The following HHAT variants were observed in gnomAD, a reference collection of about 807,000 sequenced individuals.
HHAT encodes the protein protein-cysteine N-palmitoyltransferase HHAT.
A neutral mutation model predicts 70.8 loss-of-function variants in HHAT; 47 were observed. The observed-to-expected ratio is 0.66, with a 90% CI of 0.53 to 0.85. The LOEUF is 0.85. Ranked by LOEUF, HHAT falls within the 40% of genes least tolerant of loss-of-function variation. HHAT has a pLI of 0.00. For synonymous variants in HHAT, 228 were observed against 247.6 expected (o/e 0.92, Z 0.74); for missense variants, 609 against 604.8 (o/e 1.01, Z -0.07).
At chr1:210,661,419 G>A (rs1677688132) in intron 11 of HHAT, among the ~76,000 whole-genome samples, 1 of 152,204 alleles carries the variant, frequency 6.6e-6, no homozygotes, top group Non-Finnish European at 1.5e-5. Context: ...TGGAGAGGAT[G>A]TGGAGAAACA....
At chr1:210,544,634 A>C (rs766079391) in intron 9 of HHAT, among the ~76,000 whole-genome samples, 3 of 151,930 alleles carry the variant, frequency 2.0e-5, no homozygotes, top group Non-Finnish European at 2.9e-5. Context: ...CAGCCTCCCA[A>C]AATGCTGGGA....
At chr1:210,552,310 A>T (rs985887726) in intron 9 of HHAT, among the ~76,000 whole-genome samples, 3 of 152,216 alleles carry the variant, frequency 2.0e-5, no homozygotes, top group African/African-American at 7.2e-5. Context: ...ACAAATAATC[A>T]GTGCTTTGCT....
chr1:210,419,688 A>T (rs1388322572), intron 7 of HHAT, among the ~76,000 whole-genome samples: 7 of 152,256 alleles, frequency 4.6e-5, no homozygotes, highest in Non-Finnish European at 1.0e-4. Flanking sequence ...GTTTCCAAGG[A>T]CGAAACCTTT....
chr1:210,527,730 G>A (rs1009221024), intron 9 of HHAT, among the ~76,000 whole-genome samples: 3 of 152,296 alleles, frequency 2.0e-5, no homozygotes, highest in Non-Finnish European at 2.9e-5. Flanking sequence ...AGGATGGTGC[G>A]CCAACAGGGT....
intron 2 of HHAT, among the ~76,000 whole-genome samples, chr1:210,362,017 G>T (rs2088378861): frequency 7.7e-6 from 1 of 129,210 alleles, no homozygotes; most frequent in African/African-American, 2.6e-5. Context: ...CGCCAGTCTG[G>T]TTCCATTTCA....
At chr1:210,328,240 T>C (rs1449113868), upstream of HHAT, 2 of 152,112 alleles carry the variant, frequency 1.3e-5, no homozygotes, top group Non-Finnish European at 2.9e-5. Flanking sequence ...TGGAGAACTC[T>C]GGCAAGCCTG....
At chr1:210,477,863 T>C (rs2094329413) in intron 8 of HHAT, among the ~76,000 whole-genome samples, 1 of 152,110 alleles carries the variant, frequency 6.6e-6, no homozygotes, top group Non-Finnish European at 1.5e-5. Context: ...TGCAGAGGCT[T>C]GGTAATGGGG....
chr1:210,354,742 T>G (rs12127761), intron 2 of HHAT, among the ~76,000 whole-genome samples: 72,741 of 151,952 alleles, frequency 0.48, 18,622 homozygotes, highest in South Asian at 0.59. Context: ...TTAATTATTT[T>G]TGATTTACAA....
intron 4 of HHAT, among the ~76,000 whole-genome samples, chr1:210,388,537 T>C (rs2091243039): frequency 6.6e-6 from 1 of 152,150 alleles, no homozygotes; most frequent in Admixed American, 6.5e-5. Flanking sequence ...TAACTTCTTC[T>C]TGAATATGAT....
At chr1:210,455,275 G>C (rs1410555887) in intron 7 of HHAT, among the ~76,000 whole-genome samples, 1 of 152,132 alleles carries the variant, frequency 6.6e-6, no homozygotes, top group African/African-American at 2.4e-5. Flanking sequence ...TCTTTGACCT[G>C]GTATTAGTTA....
chr1:210,612,720 A>G (rs1666848719), intron 10 of HHAT, among the ~76,000 whole-genome samples: 1 of 152,202 alleles, frequency 6.6e-6, no homozygotes, highest in Admixed American at 6.6e-5. Context: ...AGAAACCTAT[A>G]TACCGTTTTC....
chr1:210,328,331 C>T (rs183966728), upstream of HHAT: 1 of 152,266 alleles, frequency 6.6e-6, no homozygotes, highest in African/African-American at 2.4e-5. Context: ...AGATCTTCCA[C>T]TCTTTTCACA....
intron 3 of HHAT, among the ~76,000 whole-genome samples, chr1:210,376,668 C>T (rs558516749): frequency 4.3e-4 from 65 of 152,252 alleles, no homozygotes; most frequent in Non-Finnish European, 7.8e-4. Context: ...CTGCCTGTGA[C>T]GGCTGGTGGG....
chr1:210,530,602 G>T (rs1342951044), intron 9 of HHAT, among the ~76,000 whole-genome samples: 2 of 152,196 alleles, frequency 1.3e-5, no homozygotes, highest in Non-Finnish European at 2.9e-5. Context: ...GTGTTCTGGA[G>T]ACAAAGGCCG....
chr1:210,522,896 T>C (rs748769946), intron 9 of HHAT, among the ~76,000 whole-genome samples: 45 of 152,140 alleles, frequency 3.0e-4, no homozygotes, highest in Non-Finnish European at 8.8e-5. Flanking sequence ...TATCTGTAAA[T>C]TGGAAATCAC....
At chr1:210,441,730 T>A (rs995275290) in intron 7 of HHAT, among the ~76,000 whole-genome samples, 1 of 152,086 alleles carries the variant, frequency 6.6e-6, no homozygotes, top group East Asian at 1.9e-4. Context: ...CAATTTGTAA[T>A]TAAGAGCAAC....
chr1:210,463,232 A>G (rs867315492), intron 7 of HHAT, among the ~76,000 whole-genome samples: 4 of 151,554 alleles, frequency 2.6e-5, no homozygotes, highest in African/African-American at 7.3e-5. Context: ...GACTTTTAGT[A>G]TATCTACAGA....
At chr1:210,507,082 T>G (rs1340912052) in intron 8 of HHAT, among the ~76,000 whole-genome samples, 1 of 152,176 alleles carries the variant, frequency 6.6e-6, no homozygotes, top group Non-Finnish European at 1.5e-5. Context: ...GTTGAATATA[T>G]GAAGGAAAAA....
At chr1:210,374,249 T>C (rs371193550) in intron 3 of HHAT, 3 of 141,532 alleles carry the variant, frequency 2.1e-5, no homozygotes, top group Non-Finnish European at 3.1e-5. Flanking sequence ...ATTTATTCGA[T>C]CTGAAGAGAA....
Sources: allele counts gnomAD v4.1 joint callset (sites outside exome capture counted in the v4.1 genomes callset), GRCh38; gene constraint gnomAD v4.1.1; transcripts MANE v1.5; gene names NCBI Gene and HGNC (gene_info 2026-07-23, HGNC 2026-07-21).